BRWD1: variants seen among roughly 807,000 people sequenced by gnomAD.
The protein encoded by BRWD1 is bromodomain and WD repeat domain containing 1.
A neutral mutation model predicts 251.2 loss-of-function variants in BRWD1; 82 were observed. That is an observed-to-expected ratio of 0.33 (90% CI 0.27 to 0.39). The LOEUF (loss-of-function observed/expected upper bound fraction) is 0.39. Ranked by LOEUF, BRWD1 falls within the 10% of genes least tolerant of loss-of-function variation. The probability of loss-of-function intolerance (pLI) is 1.00; values close to 1 mark genes in which losing one functional copy is unlikely to be tolerated. For synonymous variants in BRWD1, 918 were observed against 902.8 expected, an observed-to-expected ratio of 1.02 and a Z score of -0.30; for missense variants, 2,233 against 2,711.6, an observed-to-expected ratio of 0.82 and a Z score of 3.92.
Position 39,187,455 on chromosome 21 carries a change from C to T in BRWD1, c.*8804G>A, listed in dbSNP as rs2031304878. 6.6e-7 allele frequency: 1 copy of T among 1,516,944 alleles called. No homozygotes were observed. The highest frequency in any genetic ancestry group is 2.4e-5 in the Admixed American group (1 of 42,540). The allele number at this position is 1,516,944 out of a possible 1,614,324, so 94.0% of individuals were successfully genotyped here. On this transcript the variant is annotated 3_prime_UTR_variant, in exon 41 of 41. Coordinates refer to ENST00000342449, the MANE Select transcript of BRWD1 (RefSeq NM_033656.4). ...TGAAAGTTCATGTAAATGCAAAAAT[C>T]TTGTAACACAAGATTTTACTACTGC...
Position 39,190,218 on chromosome 21 carries a change from A to C in BRWD1, c.*6041T>G. On this transcript the variant is annotated 3_prime_UTR_variant, in exon 41 of 41. Transcript: ENST00000342449. ...TTTCTACATTTCAAGGATTAATCAT[A>C]TTCTAATTAGACTTTTTTTTAATTT... 2 of 969,352 alleles carry C rather than the reference A, an allele frequency of 2.1e-6. No individual in the cohort carries two copies. The highest frequency in any genetic ancestry group is 2.4e-6 in the Non-Finnish European group (2 of 823,192). 60.0% of individuals were successfully genotyped at this position (969,352 alleles called of 1,614,324 possible).
chr21:39,256,310 T>G (rs1486989119), intron 18 of BRWD1, among the ~76,000 whole-genome samples: 1 of 152,212 alleles, frequency 6.6e-6, no homozygotes, highest in Non-Finnish European at 1.5e-5. Flanking sequence ...TTTGAAAAAT[T>G]TGCACTGAAG....
intron 19 of BRWD1, 77 bp from the exon 20 acceptor site, chr21:39,250,966 G>C: frequency 2.4e-6 from 2 of 821,864 alleles, no homozygotes; most frequent in Non-Finnish European, 3.7e-6. Context: ...AAAAACCAGT[G>C]TGATTCTATA....
At chr21:39,254,401 A>G (rs2034496097) in intron 19 of BRWD1, among the ~76,000 whole-genome samples, 1 of 114,346 alleles carries the variant, frequency 8.7e-6, no homozygotes, top group South Asian at 3.0e-4. Context: ...ACTACTAGTC[A>G]TTTTGAAAGG....
chr21:39,251,705 A>C (rs2034399147), intron 19 of BRWD1, among the ~76,000 whole-genome samples: 1 of 152,208 alleles, frequency 6.6e-6, no homozygotes. Flanking sequence ...AAGCAGACTC[A>C]ACCTTTCACA....
At chr21:39,260,394 C>T (rs1046076795) in intron 17 of BRWD1, among the ~76,000 whole-genome samples, 1 of 152,142 alleles carries the variant, frequency 6.6e-6, no homozygotes, top group Non-Finnish European at 1.5e-5. Context: ...CCTGCCTCAG[C>T]CTCCCAAAGT....
chr21:39,234,556 T>C (rs1316091052), intron 23 of BRWD1, among the ~76,000 whole-genome samples: 1 of 152,186 alleles, frequency 6.6e-6, no homozygotes, highest in Non-Finnish European at 1.5e-5. Context: ...TTTGTTTAGA[T>C]ACTTAAACCT....
In BRWD1 at chr21:39,215,408, A is replaced by G. The variant is rs1232887089; in HGVS notation, c.3660-46T>C. ...TTTAGGGCTTAGAAAATGAGAAGATAGAAACCAAGTGAAAAAATGCAGCAT... is the reference window on the plus strand; with the variant it reads ...TTTAGGGCTTAGAAAATGAGAAGATGGAAACCAAGTGAAAAAATGCAGCAT... On this transcript the variant is annotated intron_variant, in intron 31 of 40. Transcript: ENST00000342449. 2.6e-6 allele frequency: 4 copies of G among 1,550,962 alleles called. No individual in the cohort carries two copies. The Admixed American group carries it at 7.8e-5, about 30-fold the overall frequency.
chr21:39,314,654 A>G, upstream of BRWD1: 1 of 322,678 alleles, frequency 3.1e-6, no homozygotes, highest in Non-Finnish European at 6.1e-6. Flanking sequence ...CCCCTAAAGT[A>G]CAGCAGTAAC....
chr21:39,214,868 GA>G (rs1402283706), intron 32 of BRWD1, among the ~76,000 whole-genome samples: 3 of 129,066 alleles, frequency 2.3e-5, no homozygotes, highest in East Asian at 2.1e-4. Context: ...AAAACTAGAT[GA>G]TTTTTTTTTC....
At chr21:39,315,921 G>A (rs1248044815), upstream of BRWD1, 1 of 152,240 alleles carries the variant, frequency 6.6e-6, no homozygotes, top group African/African-American at 2.4e-5. Context: ...GCTACAATGT[G>A]TGGAAAGGGA....
intron 23 of BRWD1, among the ~76,000 whole-genome samples, chr21:39,233,107 C>T (rs1335056379): frequency 6.6e-6 from 1 of 152,096 alleles, no homozygotes; most frequent in Non-Finnish European, 1.5e-5. Flanking sequence ...ATAACTCAAG[C>T]AGCCAGCTTG....
At chr21:39,245,852 T>C (rs915033769) in intron 21 of BRWD1, among the ~76,000 whole-genome samples, 3 of 152,158 alleles carry the variant, frequency 2.0e-5, no homozygotes, top group African/African-American at 7.2e-5. Flanking sequence ...TCTGCCCACC[T>C]TGGCCTCGCA....
intron 13 of BRWD1, 48 bp downstream of exon 13, chr21:39,274,326 A>AGAGG: frequency 7.3e-7 from 1 of 1,378,076 alleles, no homozygotes; most frequent in Non-Finnish European, 1.0e-6. Flanking sequence ...AGAGAGAGAG[A>AGAGG]CAGATCGAAC....
At chr21:39,220,516 C>G (rs1000631293) in intron 29 of BRWD1, among the ~76,000 whole-genome samples, 2 of 152,100 alleles carry the variant, frequency 1.3e-5, no homozygotes, top group Admixed American at 1.3e-4. Context: ...GTAACACTTA[C>G]AGGAATACAA....
rs33939736 is a variant in BRWD1, at chr21:39,264,428, T to TAAA, written c.1885+29_1885+31dup. ...ACTTTAAAATATTCAAGTACAACTT[T>TAAA]AAAAAAAAAAAAAAAAAAAGACTGC... On this transcript the variant is annotated intron_variant, in intron 17 of 40. Coordinates refer to ENST00000342449, the MANE Select transcript of BRWD1 (RefSeq NM_033656.4). 130 of 1,161,248 alleles carry TAAA rather than the reference T, an allele frequency of 1.1e-4. No individual in the cohort carries two copies. The African/African-American group carries it at 1.8e-3, about 16-fold the overall frequency. The allele number at this position is 1,161,248 out of a possible 1,614,324, so 71.9% of individuals were successfully genotyped here.
intron 15 of BRWD1, among the ~76,000 whole-genome samples, chr21:39,268,718 G>A (rs571343542): frequency 6.6e-6 from 1 of 152,264 alleles, no homozygotes; most frequent in Admixed American, 6.5e-5. Flanking sequence ...CAGGCACAGT[G>A]GCTCACGCCT....
Position 39,236,814 on chromosome 21 carries a change from G to A in BRWD1, c.2577-30C>T, listed in dbSNP as rs368588036. 40 of 1,587,946 alleles carry A rather than the reference G, an allele frequency of 2.5e-5. 1 individual carries two copies. The highest frequency in any genetic ancestry group is 1.7e-5 in the Admixed American group (1 of 58,258). On this transcript the variant is annotated intron_variant, in intron 22 of 40. Coordinates refer to ENST00000342449, the MANE Select transcript of BRWD1 (RefSeq NM_033656.4). ...AAAAGGGGAGTGCTTTCAGTTGAAT[G>A]GAGCCAGAATATAAGCACTGATAGC...
rs201046788 is a variant in BRWD1, at chr21:39,273,063, AG to A, written c.1244+1310del. On this transcript the variant is annotated intron_variant, in intron 13 of 40. Transcript: ENST00000342449. ...TTTGAAAGCAAGAAAACTTAAAATG[AG>A]AAGATATTTTCTCATGAAGAAAATT... Among the ~76,000 whole-genome samples, 44 of 152,360 alleles carry A rather than the reference AG, an allele frequency of 2.9e-4. 2 individuals are homozygous for A. In the East Asian group the frequency reaches 8.1e-3, roughly 28 times the overall value.
Sources: gnomAD v4.1 joint callset for allele counts (sites outside exome capture counted in the v4.1 genomes callset) on GRCh38, gnomAD v4.1.1 for gene constraint, MANE v1.5 for transcripts, NCBI Gene and HGNC (gene_info 2026-07-23, HGNC 2026-07-21) for gene names.